The following SPON1 variants were observed in gnomAD, a reference collection of about 807,000 sequenced individuals.
SPON1 encodes the protein spondin 1.
SPON1 carries 52 observed loss-of-function variants against 111.7 expected under a neutral mutation model. That is an observed-to-expected ratio of 0.47 (90% confidence interval 0.37 to 0.59). SPON1 has a LOEUF of 0.59. SPON1 is among the 20% of genes least tolerant of loss of function. The pLI, the probability that SPON1 is intolerant of heterozygous loss-of-function variation, is 0.00. For missense variants in SPON1, 957 were observed against 1,068.5 expected (o/e 0.90, Z 1.46); for synonymous variants, 410 against 395.8 (o/e 1.04, Z -0.43).
rs561615866 is a variant in SPON1 at position 14,265,766 on chromosome 11, T to C, written c.*79T>C. ...TGGATTATTTGCTTGTTTAAGACAA[T>C]TTAAATTGTGTACGCTAGTTTTCAT... On this transcript the variant is annotated 3_prime_UTR_variant, in exon 16 of 16. Transcript: ENST00000576479. The C allele has an allele frequency of 5.2e-5, 77 of 1,493,584 alleles. No individual in the cohort carries two copies. In the South Asian group the frequency reaches 9.2e-4, roughly 18 times the overall value. The allele number at this position is 1,493,584 out of a possible 1,614,324, so 92.5% of individuals were successfully genotyped here.
At chr11:14,143,473 G>A (rs991535179) in intron 6 of SPON1, among the ~76,000 whole-genome samples, 1 of 151,780 alleles carries the variant, frequency 6.6e-6, no homozygotes, top group South Asian at 2.1e-4. Flanking sequence ...GAGGTGGAAG[G>A]ATCACTTGGC....
intron 6 of SPON1, among the ~76,000 whole-genome samples, chr11:14,145,673 AT>A (rs780850459): frequency 8.5e-4 from 129 of 152,332 alleles, no homozygotes; most frequent in Non-Finnish European, 1.4e-3. Flanking sequence ...TAATAAAATA[AT>A]TCTATATCTA....
At chr11:14,117,932 T>A (rs782457946) in intron 5 of SPON1, among the ~76,000 whole-genome samples, 6 of 152,192 alleles carry the variant, frequency 3.9e-5, no homozygotes, top group Non-Finnish European at 5.9e-5. Context: ...AGACAATGCA[T>A]AATAAAGCAC....
At chr11:13,988,367 C>T (rs868992215) in intron 2 of SPON1, among the ~76,000 whole-genome samples, 69 of 152,020 alleles carry the variant, frequency 4.5e-4, no homozygotes, top group South Asian at 6.2e-4. Context: ...CTGTTATTGG[C>T]GTATAGGAAT....
At chr11:14,017,562 C>A (rs2618487) in intron 2 of SPON1, among the ~76,000 whole-genome samples, 2 of 151,928 alleles carry the variant, frequency 1.3e-5, no homozygotes, top group African/African-American at 4.8e-5. Context: ...CTGTGACAGC[C>A]TTGTGATGGA....
At chr11:14,096,300 T>C (rs1034731636) in intron 5 of SPON1, among the ~76,000 whole-genome samples, 1 of 152,154 alleles carries the variant, frequency 6.6e-6, no homozygotes, top group Non-Finnish European at 1.5e-5. Flanking sequence ...CCCACAAAGA[T>C]AACACTAGAT....
At chr11:13,987,914 T>A (rs557807195) in intron 2 of SPON1, among the ~76,000 whole-genome samples, 2 of 152,226 alleles carry the variant, frequency 1.3e-5, no homozygotes, top group Non-Finnish European at 2.9e-5. Flanking sequence ...GGTCTATATA[T>A]CTGTTTTGGT....
chr11:14,247,649 G>A (rs1849007274), intron 7 of SPON1, among the ~76,000 whole-genome samples: 1 of 152,108 alleles, frequency 6.6e-6, no homozygotes, highest in African/African-American at 2.4e-5. Flanking sequence ...AACAGGCTGT[G>A]GCGATAGGTG....
intron 6 of SPON1, among the ~76,000 whole-genome samples, chr11:14,197,510 A>G (rs1322762988): frequency 6.6e-6 from 1 of 150,558 alleles, no homozygotes. Context: ...TAAATAAATA[A>G]ATAAATAAAT....
At chr11:13,994,516 T>C (rs1554911556) in intron 2 of SPON1, among the ~76,000 whole-genome samples, 1 of 152,110 alleles carries the variant, frequency 6.6e-6, no homozygotes, top group African/African-American at 2.4e-5. Flanking sequence ...TGGCCACTGA[T>C]GTGAAGGGAA....
chr11:14,056,903 A>C (rs782004028), intron 3 of SPON1, among the ~76,000 whole-genome samples: 4 of 152,194 alleles, frequency 2.6e-5, no homozygotes, highest in Non-Finnish European at 5.9e-5. Flanking sequence ...AAAATAAATT[A>C]ATTAATCAAT....
chr11:14,129,389 G>T (rs782312306), intron 5 of SPON1, among the ~76,000 whole-genome samples: 8 of 152,160 alleles, frequency 5.3e-5, no homozygotes, highest in Non-Finnish European at 1.2e-4. Context: ...AAGTTCCACA[G>T]ATCTCTAGAG....
intron 3 of SPON1, among the ~76,000 whole-genome samples, chr11:14,073,829 C>A (rs1848896174): frequency 6.6e-6 from 1 of 152,200 alleles, no homozygotes; most frequent in Non-Finnish European, 1.5e-5. Context: ...GGCCCCTAAG[C>A]AGACCCCCAA....
chr11:14,030,985 G>A (rs1225109836), intron 2 of SPON1, among the ~76,000 whole-genome samples: 1 of 152,194 alleles, frequency 6.6e-6, no homozygotes, highest in Admixed American at 6.5e-5. Context: ...ACTGGATAAA[G>A]AAAATGTGGT....
At chr11:14,049,862 G>A (rs1332817188) in intron 3 of SPON1, among the ~76,000 whole-genome samples, 2 of 152,104 alleles carry the variant, frequency 1.3e-5, no homozygotes, top group African/African-American at 4.8e-5. Flanking sequence ...TGCTGTCCCA[G>A]ACCCTGATGG....
chr11:13,981,496 GT>G lies in SPON1; in HGVS notation c.239-1348del, dbSNP rs547687391. Among the ~76,000 whole-genome samples, 17 of 152,080 alleles carry G rather than the reference GT, an allele frequency of 1.1e-4. No homozygotes were observed. In the South Asian group the frequency reaches 3.5e-3, roughly 32 times the overall value. ...TGCCTACCACCACGCCTGGCTAATT[GT>G]TTGTATTTTTAGTAGAGACGGGGTT... On this transcript the variant is annotated intron_variant, in intron 1 of 15. Transcript: ENST00000576479.
At chr11:13,998,324 T>TGGGA (rs1228423169) in intron 2 of SPON1, among the ~76,000 whole-genome samples, 1 of 152,172 alleles carries the variant, frequency 6.6e-6, no homozygotes, top group Non-Finnish European at 1.5e-5. Flanking sequence ...GAGAGATGTA[T>TGGGA]GGGAGAGACA....
chr11:14,070,647 G>C (rs1409279873), intron 3 of SPON1, among the ~76,000 whole-genome samples: 2 of 152,080 alleles, frequency 1.3e-5, no homozygotes, highest in Non-Finnish European at 2.9e-5. Context: ...TATTTTTTAA[G>C]TCATTTCATG....
chr11:14,170,255 C>A (rs1243206128), intron 6 of SPON1, among the ~76,000 whole-genome samples: 2 of 152,064 alleles, frequency 1.3e-5, no homozygotes, highest in South Asian at 2.1e-4. Context: ...CTCTTTGAAG[C>A]AATTGTGAAT....
Sources: allele counts gnomAD v4.1 joint callset (sites outside exome capture counted in the v4.1 genomes callset), GRCh38; gene constraint gnomAD v4.1.1; transcripts MANE v1.5; gene names NCBI Gene and HGNC (gene_info 2026-07-23, HGNC 2026-07-21).